LRRC69: variants seen among roughly 807,000 people sequenced by gnomAD.
LRRC69 encodes leucine-rich repeat-containing protein 69.
Under a neutral mutation model 37.8 loss-of-function variants are expected in LRRC69, and 42 were observed. That is an observed-to-expected ratio of 1.11 (90% CI 0.87 to 1.44). The LOEUF is 1.44. Among genes scored for constraint, LRRC69 ranks in the 40% most tolerant of loss-of-function variants. The pLI is 0.00. For missense variants in LRRC69, 357 were observed against 401.9 expected, an observed-to-expected ratio of 0.89 and a Z score of 0.96; for synonymous variants, 141 against 143.1, an observed-to-expected ratio of 0.99 and a Z score of 0.11.
At chr8:91,153,480 A>C (rs1304845621) in intron 5 of LRRC69, among the ~76,000 whole-genome samples, 3 of 151,812 alleles carry the variant, frequency 2.0e-5, no homozygotes, top group Non-Finnish European at 2.9e-5. Flanking sequence ...ACTCCTCAGC[A>C]AATTGCAAAA....
rs188290720 is a variant in LRRC69, at chr8:91,202,193, G to A, written c.933+1401G>A. Among the ~76,000 whole-genome samples the A allele has an allele frequency of 5.1e-4, 78 of 152,002 alleles. No individual in the cohort carries two copies. The Middle Eastern group carries it at 0.01, about 20-fold the overall frequency. ...TGCACTCCAGCCTAGGCAACAGAGC[G>A]AGACTCTGTCTAAAACAAAAACAAA... On this transcript the variant is annotated intron_variant, in intron 7 of 7. Coordinates refer to ENST00000448384, the Ensembl canonical transcript of LRRC69.
At chr8:91,177,754 G>C (rs1809257218) in intron 5 of LRRC69, among the ~76,000 whole-genome samples, 2 of 152,034 alleles carry the variant, frequency 1.3e-5, no homozygotes, top group Non-Finnish European at 2.9e-5. Context: ...CAGTAGAATT[G>C]TAGGGTTAAA....
chr8:91,150,587 A>G (rs1361418058), intron 5 of LRRC69, among the ~76,000 whole-genome samples: 1 of 152,026 alleles, frequency 6.6e-6, no homozygotes, highest in African/African-American at 2.4e-5. Flanking sequence ...TATCAGGATA[A>G]TGCTGGCCTC....
intron 7 of LRRC69, chr8:91,206,772 C>T: frequency 7.8e-7 from 1 of 1,289,698 alleles, no homozygotes; most frequent in South Asian, 1.2e-5. Context: ...CTAAATATGT[C>T]ACCTGGAATA....
chr8:91,118,583 T>C, intron 1 of LRRC69: 1 of 217,186 alleles, frequency 4.6e-6, no homozygotes, highest in South Asian at 5.9e-5. Flanking sequence ...GGCTCATGGG[T>C]CTATGAGTAG....
At chr8:91,140,190 G>A (rs1003587452) in intron 5 of LRRC69, among the ~76,000 whole-genome samples, 1 of 151,590 alleles carries the variant, frequency 6.6e-6, no homozygotes, top group Non-Finnish European at 1.5e-5. Flanking sequence ...GCAAAACTCT[G>A]GGGGCTATTT....
exon 4 of LRRC69, chr8:91,133,305 G>A (rs745879642): frequency 6.7e-7 from 1 of 1,497,932 alleles, no homozygotes; most frequent in South Asian, 1.3e-5. Context: ...TTTTGCCGGA[G>A]GTAAGCAAAA....
chr8:91,145,735 C>T (rs919322479), intron 5 of LRRC69, among the ~76,000 whole-genome samples: 4 of 151,934 alleles, frequency 2.6e-5, no homozygotes, highest in Admixed American at 6.6e-5. Context: ...AGTTCCAAAA[C>T]TTGACTAAAT....
chr8:91,207,379 A>AT lies in LRRC69; in HGVS notation c.933+6596dup, dbSNP rs565069846. Among the ~76,000 whole-genome samples, 178 of 151,740 alleles carry AT rather than the reference A, an allele frequency of 1.2e-3. 1 individual carries two copies. The highest frequency in any genetic ancestry group is 3.4e-3 in the Middle Eastern group (1 of 294). Reference sequence around the variant, plus strand: ...AGCATATAGTAGGTGCTTAATAAGTATTTTTTTTTATGTGTGTGTTTTGTA... The same window carrying AT: ...AGCATATAGTAGGTGCTTAATAAGTATTTTTTTTTTATGTGTGTGTTTTGTA... On this transcript the variant is annotated intron_variant, in intron 7 of 7. Coordinates refer to ENST00000448384, the Ensembl canonical transcript of LRRC69.
rs577490380 is a variant in LRRC69, at chr8:91,209,936, G to T, written c.934-8954G>T. Among the ~76,000 whole-genome samples the T allele has an allele frequency of 2.0e-5, 3 of 152,050 alleles. No individual in the cohort carries two copies. In the South Asian group the frequency reaches 6.2e-4, roughly 32 times the overall value. ...TTACTGAGTTCTTACTATATGCAAGGTACTATGCTAAGCTCTCTGGATCCA... is the reference window on the plus strand; with the variant it reads ...TTACTGAGTTCTTACTATATGCAAGTTACTATGCTAAGCTCTCTGGATCCA... On this transcript the variant is annotated intron_variant, in intron 7 of 7. Coordinates refer to ENST00000448384, the Ensembl canonical transcript of LRRC69.
intron 5 of LRRC69, among the ~76,000 whole-genome samples, chr8:91,148,541 A>G (rs1466676987): frequency 1.3e-5 from 2 of 152,006 alleles, no homozygotes; most frequent in Non-Finnish European, 2.9e-5. Context: ...CGCAATAAAC[A>G]TACATGTGCA....
chr8:91,135,831 G>C, intron 5 of LRRC69, 92 bp downstream of exon 5: 1 of 597,902 alleles, frequency 1.7e-6, no homozygotes, highest in Non-Finnish European at 2.7e-6. Context: ...AAAACCTGTA[G>C]TAATTGAAAC....
intron 1 of LRRC69, among the ~76,000 whole-genome samples, chr8:91,111,153 A>G (rs1201706147): frequency 1.3e-5 from 2 of 152,146 alleles, no homozygotes; most frequent in Non-Finnish European, 2.9e-5. Flanking sequence ...CATGTGAATC[A>G]TAGAATCAAC....
At chr8:91,159,103 A>T (rs1256970836) in intron 5 of LRRC69, among the ~76,000 whole-genome samples, 1 of 151,290 alleles carries the variant, frequency 6.6e-6, no homozygotes, top group Non-Finnish European at 1.5e-5. Flanking sequence ...ATTAAGGTTC[A>T]TTGAAATGTT....
chr8:91,125,863 T>C (rs1224744231), intron 2 of LRRC69, among the ~76,000 whole-genome samples: 4 of 151,806 alleles, frequency 2.6e-5, no homozygotes, highest in Non-Finnish European at 4.4e-5. Flanking sequence ...TTTCTATATT[T>C]CTTTTTAAAA....
intron 1 of LRRC69, among the ~76,000 whole-genome samples, chr8:91,117,365 A>C (rs999769127): frequency 6.6e-6 from 1 of 152,020 alleles, no homozygotes; most frequent in Non-Finnish European, 1.5e-5. Context: ...TTTAAGACTA[A>C]AACTTGGTGG....
At chr8:91,198,440 C>G (rs1021057808) in intron 6 of LRRC69, among the ~76,000 whole-genome samples, 4 of 152,096 alleles carry the variant, frequency 2.6e-5, no homozygotes, top group Admixed American at 2.0e-4. Flanking sequence ...CGTTTTAGTG[C>G]TTATCATACA....
At chr8:91,218,909 A>C (rs1223740603) in exon 8 of LRRC69, 1 of 1,549,748 alleles carries the variant, frequency 6.5e-7, no homozygotes. Flanking sequence ...ATAAGCAAGA[A>C]TCTGAAGCTG....
intron 2 of LRRC69, among the ~76,000 whole-genome samples, chr8:91,126,343 G>GGGCT (rs1363550936): frequency 5.3e-5 from 8 of 151,956 alleles, no homozygotes; most frequent in Admixed American, 5.3e-4. Context: ...GGTGGCCCAT[G>GGGCT]GGCTGAAGCT....
Sources: gnomAD v4.1 joint callset for allele counts (sites outside exome capture counted in the v4.1 genomes callset) on GRCh38, gnomAD v4.1.1 for gene constraint, MANE v1.5 for transcripts, NCBI Gene and HGNC (gene_info 2026-07-23, HGNC 2026-07-21) for gene names.